Variants in TTC14 observed in about 807,000 individuals in gnomAD.
TTC14 encodes tetratricopeptide repeat protein 14.
Under a neutral mutation model 79.9 loss-of-function variants are expected in TTC14, and 63 were observed. That is an observed-to-expected ratio of 0.79 (90% CI 0.64 to 0.97). TTC14 has a LOEUF of 0.97. Ranked by LOEUF, TTC14 falls within the 50% of genes least tolerant of loss-of-function variation. TTC14 has a pLI of 0.00. For synonymous variants in TTC14, 335 were observed against 309.6 expected (o/e 1.08, Z -0.86); for missense variants, 895 against 894.0 (o/e 1.00, Z -0.01).
rs1450055992 is a variant in TTC14, at chr3:180,606,266, G to A, written c.943G>A (p.Val315Ile). 6.2e-7 allele frequency: 1 copy of A among 1,614,062 alleles called. No individual in the cohort carries two copies. Among genetic ancestry groups the A allele is most frequent in the Admixed American group, 1.7e-5 (1 of 60,006 alleles). ...SWALKCVKIG[V>I]DYFKVGRHVD... ...TGTCTTTTTTAGTGTGAAGATCGGA[G>A]TTGACTATTTTAAAGTTGGACGCCA... is the stretch of plus-strand genomic sequence containing the variant. Residue 315 changes from valine (V) to isoleucine (I), a missense_variant, in exon 8 of 12, where the codon GTT becomes ATT. Physicochemically the swap from Val to Ile is conservative, Grantham distance 29 (BLOSUM62 3). Transcript: ENST00000296015.
intron 11 of TTC14, 100 bp from the exon 12 acceptor site, chr3:180,609,530 C>T (rs1233924634): frequency 7.3e-7 from 1 of 1,361,578 alleles, no homozygotes; most frequent in African/African-American, 1.5e-5. Flanking sequence ...TGAACCACAG[C>T]TTTTATAAAA....
chr3:180,615,575 T>C (rs918663162), downstream of TTC14, among the ~76,000 whole-genome samples: 1 of 152,148 alleles, frequency 6.6e-6, no homozygotes, highest in African/African-American at 2.4e-5. Flanking sequence ...ACAGGGATGT[T>C]CAGTTATATA....
At chr3:180,616,149 T>C (rs1717228119) in intron 12 of TTC14, 1 of 729,176 alleles carries the variant, frequency 1.4e-6, no homozygotes, top group African/African-American at 1.7e-5. Context: ...TAGTGAGATG[T>C]CTGACAGTGA....
intron 10 of TTC14, chr3:180,608,308 A>G: frequency 1.0e-6 from 1 of 985,798 alleles, no homozygotes; most frequent in Non-Finnish European, 1.2e-6. Flanking sequence ...CCTTCACTTC[A>G]CCTTAACGGA....
rs1717283935 is a variant in TTC14 at position 180,617,346 on chromosome 3, A to G, written c.1775-34A>G. On this transcript the variant is annotated intron_variant, in intron 12 of 12. Transcript: ENST00000382584. ...AATAAAAGATATTACTGATTTATGT[A>G]TTTACTATACAATATACTTTTATTA... The G allele has an allele frequency of 1.7e-5, 9 of 518,336 alleles. No individual in the cohort carries two copies. In the East Asian group the frequency reaches 2.4e-4, roughly 14 times the overall value. The allele number at this position is 518,336 out of a possible 1,614,324, so 32.1% of individuals were successfully genotyped here. A position where few individuals can be genotyped will look rare whatever the true frequency, so the allele number is the denominator to read the frequency against.
At chr3:180,605,140 C>G in intron 6 of TTC14, 133 bp downstream of exon 6, 2 of 747,036 alleles carry the variant, frequency 2.7e-6, no homozygotes, top group South Asian at 4.7e-5. Context: ...TTGAATGAAC[C>G]AGGTGATCCC....
downstream of TTC14, chr3:180,613,995 ACATG>A: frequency 8.2e-6 from 3 of 367,874 alleles, no homozygotes; most frequent in South Asian, 6.3e-5. Context: ...TGAAGGAGAC[ACATG>A]TACATTCGTG....
intron 1 of TTC14, 34 bp downstream of exon 1, chr3:180,602,456 G>C (rs1469958845): frequency 1.3e-6 from 2 of 1,567,164 alleles, no homozygotes; most frequent in African/African-American, 1.4e-5. Context: ...CGCCACGGAA[G>C]AGGGGACGCA....
chr3:180,603,376 T>C (rs1467201768), intron 3 of TTC14, 53 bp downstream of exon 3: 9 of 1,439,148 alleles, frequency 6.3e-6, no homozygotes, highest in Admixed American at 1.7e-5. Flanking sequence ...CGCATCTCAA[T>C]GCAAGAACTA....
chr3:180,602,259 G>T lies in TTC14; in HGVS notation c.-3G>T, dbSNP rs754992502. The T allele has an allele frequency of 9.3e-6, 15 of 1,613,830 alleles. No individual in the cohort carries two copies. The highest frequency in any genetic ancestry group is 1.6e-4 in the Middle Eastern group (1 of 6,062). On this transcript the variant is annotated 5_prime_UTR_variant, in exon 1 of 12. Transcript: ENST00000296015. Reference sequence around the variant, plus strand: ...CGGCCTCCGGGCCCTGCATTCTCTAGCCATGGACCGGGACCTTTTGCGGCA... The same window carrying T: ...CGGCCTCCGGGCCCTGCATTCTCTATCCATGGACCGGGACCTTTTGCGGCA...
At position 180,604,595 on chromosome 3, in the gene TTC14, CTTTATACTACAGGTAA is replaced by C; in HGVS notation, c.695_701+9del. 1 of 1,600,144 alleles carries C rather than the reference CTTTATACTACAGGTAA, an allele frequency of 6.2e-7. No homozygotes were observed. Among genetic ancestry groups the C allele is most frequent in the Non-Finnish European group, 8.5e-7 (1 of 1,176,162 alleles). On this transcript the variant is annotated splice_donor_variant and splice_donor_region_variant and coding_sequence_variant and intron_variant, in exon 5 of 12. Transcript: ENST00000296015. LOFTEE classifies it high-confidence loss of function. ...GGTGTAATTAGCTCTGAAGAGCTTCCTTTATACTACAGGTAATTTATCCGTATTATTTCAACAACAG... is the reference window on the plus strand; with the variant it reads ...GGTGTAATTAGCTCTGAAGAGCTTCCTTTATCCGTATTATTTCAACAACAG...
chr3:180,602,496 T>A, intron 1 of TTC14, 74 bp downstream of exon 1: 5 of 1,491,808 alleles, frequency 3.4e-6, no homozygotes, highest in Non-Finnish European at 4.4e-6. Context: ...CAGCCCCGGG[T>A]TTGCGTCTAG....
At position 180,603,310 on chromosome 3, in the gene TTC14, A is replaced by G. The variant is rs1452647004; in HGVS notation, c.473A>G (p.His158Arg). 1 of 1,613,850 alleles carries G rather than the reference A, an allele frequency of 6.2e-7. No homozygotes were observed. Among genetic ancestry groups the G allele is most frequent in the Non-Finnish European group, 8.5e-7 (1 of 1,179,818 alleles). ...AGTGGTATCATGAGAGATATAGCCC[A>G]CTTAGAAATCACAGTAAGTTATTTT... The part of the protein sequence containing the change: ...LGSGIMRDIA[H>R]LEITALCPLR... Residue 158 changes from histidine (H) to arginine (R), a missense_variant, in exon 3 of 12, where the codon CAC becomes CGC. Coordinates refer to ENST00000296015, the MANE Select transcript of TTC14 (RefSeq NM_133462.4).
chr3:180,605,247 A>G (rs186758267), intron 6 of TTC14: 5 of 355,178 alleles, frequency 1.4e-5, no homozygotes, highest in African/African-American at 8.4e-5. Flanking sequence ...TTTTGTGTGT[A>G]TGCTAAAGAA....
In TTC14 at chr3:180,606,311, T is replaced by C; in HGVS notation, c.988T>C (p.Tyr330His). The C allele has an allele frequency of 1.2e-6, 2 of 1,614,152 alleles. No individual in the cohort carries two copies. The highest frequency in any genetic ancestry group is 1.7e-6 in the Non-Finnish European group (2 of 1,179,994). Residue 330 changes from tyrosine to histidine, a missense_variant, in exon 8 of 12, where the codon TAC becomes CAC. Physicochemically the swap from Tyr to His is moderately conservative, Grantham distance 83. Transcript: ENST00000296015. ...ACGCCATGTGGATGCTATGAATGAA[T>C]ACAATAAAGCTTTGGAAATAGACAA... ...VGRHVDAMNE[Y>H]NKALEIDKQN...
At chr3:180,608,184 T>C in intron 10 of TTC14, 2 of 997,242 alleles carry the variant, frequency 2.0e-6, no homozygotes, top group Non-Finnish European at 2.4e-6. Context: ...GTCTGTGACA[T>C]CTGGTGCTGC....
At chr3:180,615,635 A>C (rs764423574), downstream of TTC14, among the ~76,000 whole-genome samples, 15 of 152,142 alleles carry the variant, frequency 9.9e-5, no homozygotes, top group Non-Finnish European at 2.1e-4. Flanking sequence ...GGGCCTCTTC[A>C]TGAAATTTTT....
intron 4 of TTC14, 50 bp from the exon 5 acceptor site, chr3:180,604,428 G>C (rs1347732346): frequency 3.2e-6 from 5 of 1,553,990 alleles, no homozygotes; most frequent in Admixed American, 4.1e-5. Context: ...TTTTATGTTA[G>C]TTTACATTTT....
chr3:180,616,936 G>A (rs546887443), intron 12 of TTC14: 1 of 1,468,990 alleles, frequency 6.8e-7, no homozygotes, highest in African/African-American at 1.4e-5. Flanking sequence ...TTTGCCAAAT[G>A]TTCTATAACA....
Sources: allele counts gnomAD v4.1 joint callset (sites outside exome capture counted in the v4.1 genomes callset), GRCh38; gene constraint gnomAD v4.1.1; transcripts MANE v1.5; gene names NCBI Gene and HGNC (gene_info 2026-07-23, HGNC 2026-07-21).